GALNTL6: variants seen among roughly 807,000 people sequenced by gnomAD.
GALNTL6 encodes polypeptide N-acetylgalactosaminyltransferase like 6, also known as polypeptide N-acetylgalactosaminyltransferase-like 6.
Under a neutral mutation model 73.7 loss-of-function variants are expected in GALNTL6, and 46 were observed. The ratio of observed to expected loss-of-function variants is 0.62; its 90% CI spans 0.49 to 0.80. GALNTL6 has a LOEUF of 0.80. GALNTL6 is among the 30% of genes least tolerant of loss of function. The pLI is 0.00. For missense variants in GALNTL6, 604 were observed against 755.0 expected (o/e 0.80, Z 2.34); for synonymous variants, 259 against 263.7 (o/e 0.98, Z 0.17).
At chr4:171,942,269 T>TAAATAAATAAATAAATAAATAAATAA (rs1423565851) in intron 2 of GALNTL6, among the ~76,000 whole-genome samples, 7 of 144,148 alleles carry the variant, frequency 4.9e-5, no homozygotes, top group Admixed American at 7.0e-5. Flanking sequence ...TAAATAAATA[T>TAAATAAATAAATAAATAAATAAATAA]AATATACAGA....
intron 2 of GALNTL6, among the ~76,000 whole-genome samples, chr4:172,089,785 T>C (rs60608972): frequency 2.2e-3 from 330 of 152,274 alleles, no homozygotes; most frequent in African/African-American, 6.9e-3. Context: ...AAGTGCATGG[T>C]GGTTTTGCTG....
At chr4:172,969,342 G>A (rs1181014735) in intron 10 of GALNTL6, among the ~76,000 whole-genome samples, 1 of 152,050 alleles carries the variant, frequency 6.6e-6, no homozygotes, top group Non-Finnish European at 1.5e-5. Flanking sequence ...CAATGATTTG[G>A]AACAATAAGT....
intron 5 of GALNTL6, among the ~76,000 whole-genome samples, chr4:172,542,777 C>T (rs577250702): frequency 6.6e-6 from 1 of 152,100 alleles, no homozygotes; most frequent in Non-Finnish European, 1.5e-5. Flanking sequence ...ACCCAGAAAA[C>T]TTTTCCACAA....
chr4:171,962,515 G>A (rs904266741), intron 2 of GALNTL6, among the ~76,000 whole-genome samples: 2 of 151,968 alleles, frequency 1.3e-5, no homozygotes, highest in Admixed American at 6.6e-5. Context: ...TCCTACCAGC[G>A]CCATGACAGT....
At chr4:172,454,415 A>G (rs930917306) in intron 5 of GALNTL6, among the ~76,000 whole-genome samples, 1 of 152,200 alleles carries the variant, frequency 6.6e-6, no homozygotes, top group African/African-American at 2.4e-5. Context: ...CTGTTTCTCA[A>G]GTTGGTCTAT....
intron 2 of GALNTL6, among the ~76,000 whole-genome samples, chr4:171,853,108 C>T (rs1289591098): frequency 6.6e-6 from 1 of 150,686 alleles, no homozygotes. Flanking sequence ...CGTGATCCGC[C>T]CGCTTCAGCC....
intron 2 of GALNTL6, among the ~76,000 whole-genome samples, chr4:171,878,350 G>A (rs919430327): frequency 1.3e-5 from 2 of 152,104 alleles, no homozygotes; most frequent in African/African-American, 4.8e-5. Flanking sequence ...CTTTTGTTTT[G>A]ACAGTTTTGT....
At chr4:172,725,572 A>G (rs1735747290) in intron 5 of GALNTL6, among the ~76,000 whole-genome samples, 1 of 152,220 alleles carries the variant, frequency 6.6e-6, no homozygotes, top group Admixed American at 6.5e-5. Flanking sequence ...AAACGTTGAG[A>G]GACTATATTC....
chr4:172,854,407 A>G, intron 7 of GALNTL6, among the ~76,000 whole-genome samples: 1 of 152,200 alleles, frequency 6.6e-6, no homozygotes, highest in Non-Finnish European at 1.5e-5. Flanking sequence ...TTATTAAGCA[A>G]ATATAAACCA....
chr4:172,901,074 T>C (rs1746603783), intron 8 of GALNTL6, among the ~76,000 whole-genome samples: 1 of 152,196 alleles, frequency 6.6e-6, no homozygotes, highest in South Asian at 2.1e-4. Context: ...CTAGAAACCA[T>C]GGCAACAGTA....
chr4:172,648,569 C>T (rs139196338), intron 5 of GALNTL6, among the ~76,000 whole-genome samples: 27 of 152,152 alleles, frequency 1.8e-4, no homozygotes, highest in Middle Eastern at 6.8e-3. Flanking sequence ...GGAAGAAACA[C>T]GATTCAAAAC....
Position 172,809,438 on chromosome 4 carries a change from G to A in GALNTL6, c.631G>A (p.Gly211Arg). ...VRIVRTKKRE[G>R]LIRTRLLGAS... is the part of the protein sequence containing the mutation. ...GATTGTTCGCACCAAGAAAAGAGAA[G>A]GACTCATCCGGACCCGTCTCCTGGG... The change falls in exon 6 of 13, where the codon GGA becomes AGA. Residue 211 changes from glycine (G) to arginine (R), a missense_variant. By Grantham distance (125) the Gly-to-Arg change is moderately radical (BLOSUM62 -2). Transcript: ENST00000506823. This position sits in a 1 kb window ranked among gnomAD's most constrained non-coding sequence, Gnocchi z 4.4. 3 of 1,613,852 alleles carry A rather than the reference G, an allele frequency of 1.9e-6. No homozygotes were observed. The highest frequency in any genetic ancestry group is 2.5e-6 in the Non-Finnish European group (3 of 1,179,828).
chr4:171,946,095 A>T (rs1738694793), intron 2 of GALNTL6, among the ~76,000 whole-genome samples: 1 of 152,196 alleles, frequency 6.6e-6, no homozygotes, highest in Non-Finnish European at 1.5e-5. Context: ...AGATAGAATT[A>T]GCAAGCTGGG....
At chr4:172,236,364 G>C (rs28405416) in intron 3 of GALNTL6, among the ~76,000 whole-genome samples, 60,280 of 151,764 alleles carry the variant, frequency 0.4, 12,152 homozygotes, top group African/African-American at 0.42. Flanking sequence ...TCGAGACCAT[G>C]CTGGCTAACA....
At chr4:171,876,382 A>T (rs1736278831) in intron 2 of GALNTL6, among the ~76,000 whole-genome samples, 1 of 152,222 alleles carries the variant, frequency 6.6e-6, no homozygotes, top group African/African-American at 2.4e-5. Context: ...ATCTTTTCAA[A>T]TAATAAGTAC....
intron 5 of GALNTL6, among the ~76,000 whole-genome samples, chr4:172,788,751 G>A (rs1739826268): frequency 6.6e-6 from 1 of 151,814 alleles, no homozygotes; most frequent in Non-Finnish European, 1.5e-5. Context: ...TACATAAGAG[G>A]TGATAACTAA....
At chr4:172,078,504 T>C (rs1013430633) in intron 2 of GALNTL6, among the ~76,000 whole-genome samples, 6 of 152,224 alleles carry the variant, frequency 3.9e-5, no homozygotes, top group Admixed American at 1.3e-4. Context: ...GCTAGAATTT[T>C]ATTTATTGAT....
chr4:172,244,470 A>C (rs896277785), intron 3 of GALNTL6, among the ~76,000 whole-genome samples: 6 of 152,198 alleles, frequency 3.9e-5, no homozygotes, highest in African/African-American at 1.4e-4. Context: ...TGCAAAACTC[A>C]TAATATCTCT....
intron 5 of GALNTL6, among the ~76,000 whole-genome samples, chr4:172,699,958 T>C (rs984963165): frequency 2.0e-5 from 3 of 152,146 alleles, no homozygotes; most frequent in Non-Finnish European, 2.9e-5. Flanking sequence ...TCAAGTCTCT[T>C]GAAACAAATT....
Sources: allele counts gnomAD v4.1 joint callset (sites outside exome capture counted in the v4.1 genomes callset), GRCh38; gene constraint gnomAD v4.1.1; non-coding constraint Gnocchi (gnomAD v3.1); transcripts MANE v1.5; gene names NCBI Gene and HGNC (gene_info 2026-07-23, HGNC 2026-07-21).